The following TENM4 variants were observed in gnomAD, a reference collection of about 807,000 sequenced individuals.
TENM4 encodes teneurin-4.
A neutral mutation model predicts 243.3 loss-of-function variants in TENM4; 82 were observed. That is an observed-to-expected ratio of 0.34 (90% CI 0.28 to 0.40). The LOEUF (loss-of-function observed/expected upper bound fraction) is 0.40. TENM4 is among the 10% of genes least tolerant of loss of function. The probability of loss-of-function intolerance (pLI) is 1.00; values close to 1 mark genes in which losing one functional copy is unlikely to be tolerated. For missense variants in TENM4, 3,138 were observed against 3,673.3 expected, an observed-to-expected ratio of 0.85 and a Z score of 3.77; for synonymous variants, 1,412 against 1,456.3, an observed-to-expected ratio of 0.97 and a Z score of 0.69.
intron 6 of TENM4, among the ~76,000 whole-genome samples, chr11:78,923,835 T>G (rs1856497687): frequency 7.7e-6 from 1 of 129,636 alleles, no homozygotes; most frequent in Non-Finnish European, 1.6e-5. Context: ...CCACCATACC[T>G]CGCTATTCTT....
At chr11:79,170,028 TGGCTTTTTG>T (rs1863005106) in intron 3 of TENM4, among the ~76,000 whole-genome samples, 2 of 152,236 alleles carry the variant, frequency 1.3e-5, no homozygotes, top group South Asian at 2.1e-4. Flanking sequence ...GAGAGCTGGC[TGGCTTTTTG>T]GGCTTTTTGA....
At chr11:78,884,808 T>C (rs1270746103) in intron 9 of TENM4, among the ~76,000 whole-genome samples, 2 of 152,214 alleles carry the variant, frequency 1.3e-5, no homozygotes, top group Admixed American at 1.3e-4. Context: ...TGAGTGCCTG[T>C]GGTTGGGAGG....
intron 9 of TENM4, among the ~76,000 whole-genome samples, chr11:78,872,732 G>A (rs1183216642): frequency 6.6e-6 from 1 of 152,196 alleles, no homozygotes; most frequent in African/African-American, 2.4e-5. Context: ...TTGTTGCTAT[G>A]CTCCATTTCC....
At position 78,658,172 on chromosome 11, in the gene TENM4, C is replaced by T. The variant is rs1187827156; in HGVS notation, c.8196G>A (p.Gly2732=). 6.2e-7 allele frequency: 1 copy of T among 1,614,054 alleles called. No individual in the cohort carries two copies. The highest frequency in any genetic ancestry group is 1.7e-5 in the Admixed American group (1 of 60,032). ...EGEKQQVLST[G]RVQGYDGFFV... The stretch of plus-strand genomic sequence containing the variant: ...AAAAGCCGTCGTAGCCTTGCACCCG[C>T]CCTGTGCTCAGCACCTGCTGCTTCT... Residue 2732 remains glycine, a synonymous_variant, in exon 34 of 34, where the codon GGG becomes GGA. Transcript: ENST00000278550.
chr11:79,154,882 C>A (rs1009604305), intron 3 of TENM4, among the ~76,000 whole-genome samples: 70 of 152,178 alleles, frequency 4.6e-4, no homozygotes, highest in Non-Finnish European at 7.3e-5. Context: ...GGGGGCCAAG[C>A]ATGCAGTAGA....
intron 15 of TENM4, among the ~76,000 whole-genome samples, chr11:78,799,880 A>C (rs1464589559): frequency 2.0e-5 from 3 of 152,194 alleles, no homozygotes; most frequent in South Asian, 4.1e-4. Flanking sequence ...CTCAAATAAA[A>C]GTCATTTATG....
At chr11:78,914,301 A>G (rs1481351454) in intron 6 of TENM4, among the ~76,000 whole-genome samples, 1 of 152,192 alleles carries the variant, frequency 6.6e-6, no homozygotes, top group Non-Finnish European at 1.5e-5. Context: ...ATTTCTTGGA[A>G]AGAAGGAAAT....
At chr11:79,194,810 C>A (rs1001958579) in intron 3 of TENM4, among the ~76,000 whole-genome samples, 5 of 152,206 alleles carry the variant, frequency 3.3e-5, no homozygotes, top group Non-Finnish European at 7.3e-5. Context: ...AAGCCAGCTG[C>A]AGAAACTTGC....
Position 78,805,277 on chromosome 11 carries a change from T to TGCCCCCCCCCC in TENM4, c.2179+14_2179+15insGGGGGGGGGGC. Reference sequence around the variant, plus strand: ...CCCCTCCCTCTACCCATGCTTCTTCTCCCCCTGCATTTACCGATAGAACAG... The same window carrying TGCCCCCCCCCC: ...CCCCTCCCTCTACCCATGCTTCTTCTGCCCCCCCCCCCCCCCTGCATTTACCGATAGAACAG... On this transcript the variant is annotated intron_variant, in intron 15 of 33. Coordinates refer to ENST00000278550, the MANE Select transcript of TENM4 (RefSeq NM_001098816.3). 1.0e-4 allele frequency: 141 copies of TGCCCCCCCCCC among 1,402,396 alleles called. No individual in the cohort carries two copies. The highest frequency in any genetic ancestry group is 1.2e-4 in the Non-Finnish European group (126 of 1,032,972). The allele number at this position is 1,402,396 out of a possible 1,614,324, so 86.9% of individuals were successfully genotyped here.
At chr11:78,882,910 G>A (rs1855462358) in intron 9 of TENM4, among the ~76,000 whole-genome samples, 1 of 152,084 alleles carries the variant, frequency 6.6e-6, no homozygotes, top group East Asian at 1.9e-4. Context: ...TTGTGCAGTT[G>A]AAAAATGCAG....
chr11:78,689,267 C>T (rs1858760104), intron 28 of TENM4, among the ~76,000 whole-genome samples: 1 of 152,218 alleles, frequency 6.6e-6, no homozygotes, highest in Non-Finnish European at 1.5e-5. Flanking sequence ...AAGTATTCAA[C>T]ACATGCGCTC....
rs531946541 is a variant in TENM4 at position 79,131,492 on chromosome 11, C to T, written c.-66+17218G>A. On this transcript the variant is annotated intron_variant, in intron 4 of 33. Transcript: ENST00000278550. ...ACAAACAAATACTAAGAGAATTTGC[C>T]GCTACCCAGCTACCACTACAAGAAC... Among the ~76,000 whole-genome samples, 9 of 152,258 alleles carry T rather than the reference C, an allele frequency of 5.9e-5. No individual in the cohort carries two copies. In the East Asian group the frequency reaches 1.2e-3, roughly 20 times the overall value.
At position 78,855,967 on chromosome 11, in the gene TENM4, T is replaced by G. The variant is rs373578158; in HGVS notation, c.1467A>C (p.Thr489=). Residue 489 remains threonine, a synonymous_variant, in exon 11 of 34, where the codon ACA becomes ACC. Transcript: ENST00000278550. ...YGRKGLPPSH[T]QFDFVELLDG... is the part of the protein sequence containing the mutation. ...GGGTATGTGGGGTTCTGGTTACCTG[T>G]GTATGTGAAGGAGGGAGGCCTTTTC... 6.4e-7 allele frequency: 1 copy of G among 1,551,308 alleles called. No individual in the cohort carries two copies. The highest frequency in any genetic ancestry group is 2.0e-5 in the Admixed American group (1 of 50,992).
At chr11:79,065,147 T>C (rs7130258) in intron 5 of TENM4, 140 bp from the exon 6 acceptor site, 758,699 of 1,313,444 alleles carry the variant, frequency 0.58, 221,781 homozygotes, top group African/African-American at 0.63. Context: ...CATGCCTTTG[T>C]TCAAGTGATT....
Position 78,670,432 on chromosome 11 carries a change from T to C in TENM4, c.5913A>G (p.Ser1971=). The C allele has an allele frequency of 6.2e-7, 1 of 1,614,034 alleles. No homozygotes were observed. Among genetic ancestry groups the C allele is most frequent in the Non-Finnish European group, 8.5e-7 (1 of 1,179,908 alleles). ...VARQTLETIR[S]VGYYRNIYQP... ...GATAGATGTTTCTGTAGTAGCCCAC[T>C]GAGCGGATGGTCTCTAGTGTCTGCC... The change falls in exon 32 of 34, where the codon TCA becomes TCG. Residue 1971 remains serine, a synonymous_variant. Coordinates refer to ENST00000278550, the MANE Select transcript of TENM4 (RefSeq NM_001098816.3).
At chr11:79,034,518 A>C (rs1225315381) in intron 6 of TENM4, among the ~76,000 whole-genome samples, 4 of 152,208 alleles carry the variant, frequency 2.6e-5, no homozygotes, top group African/African-American at 9.6e-5. Context: ...AATTTTTTTT[A>C]AAGAACAAAA....
At chr11:78,901,420 C>T (rs1855926672) in intron 7 of TENM4, among the ~76,000 whole-genome samples, 2 of 152,178 alleles carry the variant, frequency 1.3e-5, no homozygotes, top group Middle Eastern at 6.8e-3. Flanking sequence ...GATAGAACAT[C>T]AGAAAGGCAG....
intron 6 of TENM4, among the ~76,000 whole-genome samples, chr11:79,021,335 T>C (rs1311164159): frequency 6.6e-6 from 1 of 152,198 alleles, no homozygotes; most frequent in Non-Finnish European, 1.5e-5. Flanking sequence ...CTAGGACTAG[T>C]TTCCTACTGT....
intron 3 of TENM4, among the ~76,000 whole-genome samples, chr11:79,176,497 C>T (rs1863161801): frequency 6.6e-6 from 1 of 152,164 alleles, no homozygotes; most frequent in South Asian, 2.1e-4. Flanking sequence ...CAATCAACAC[C>T]ATCTTCTGAG....
Sources: allele counts gnomAD v4.1 joint callset (sites outside exome capture counted in the v4.1 genomes callset), GRCh38; gene constraint gnomAD v4.1.1; transcripts MANE v1.5; gene names NCBI Gene and HGNC (gene_info 2026-07-23, HGNC 2026-07-21).